The following NRF1 variants were observed in gnomAD, a reference collection of about 807,000 sequenced individuals.
NRF1 encodes the protein nuclear respiratory factor 1.
In NRF1, 5 loss-of-function variants were observed where a neutral mutation model predicts 58.5. The observed-to-expected ratio is 0.09, with a 90% CI of 0.04 to 0.18. The LOEUF is 0.18. Among genes scored for constraint, NRF1 ranks in the 10% least tolerant of loss-of-function variants. The pLI is 1.00. For missense variants in NRF1, 288 were observed against 657.7 expected, an observed-to-expected ratio of 0.44 and a Z score of 6.15; for synonymous variants, 224 against 246.7, an observed-to-expected ratio of 0.91 and a Z score of 0.86.
chr7:129,630,901 C>G (rs1801034444), intron 1 of NRF1, among the ~76,000 whole-genome samples: 1 of 152,056 alleles, frequency 6.6e-6, no homozygotes. Flanking sequence ...TTTATGTTAA[C>G]CTAAAAAAAT....
chr7:129,690,651 G>A, intron 5 of NRF1, 105 bp downstream of exon 5: 1 of 1,223,974 alleles, frequency 8.2e-7, no homozygotes, highest in Non-Finnish European at 1.2e-6. Context: ...TGACCAGGGA[G>A]TGAGATGCTG....
intron 1 of NRF1, among the ~76,000 whole-genome samples, chr7:129,618,514 G>T (rs927722395): frequency 5.3e-5 from 8 of 152,320 alleles, no homozygotes; most frequent in Middle Eastern, 3.4e-3. Flanking sequence ...GGGCAACGTT[G>T]TGAGACCCTG....
chr7:129,753,347 C>T (rs2116330331), intron 10 of NRF1, among the ~76,000 whole-genome samples: 1 of 152,274 alleles, frequency 6.6e-6, no homozygotes, highest in East Asian at 1.9e-4. Flanking sequence ...TTCAAACTTT[C>T]CACTCATTCT....
At chr7:129,747,950 G>C (rs1280772152) in intron 10 of NRF1, among the ~76,000 whole-genome samples, 1 of 152,144 alleles carries the variant, frequency 6.6e-6, no homozygotes, top group Non-Finnish European at 1.5e-5. Flanking sequence ...CAATTATTGA[G>C]CACCTACTGT....
At chr7:129,653,471 A>AGTTTACATTAGGGTTCCCTCAT (rs1801582769) in intron 1 of NRF1, among the ~76,000 whole-genome samples, 1 of 152,134 alleles carries the variant, frequency 6.6e-6, no homozygotes, top group Non-Finnish European at 1.5e-5. Flanking sequence ...CAAAGTCCAT[A>AGTTTACATTAGGGTTCCCTCAT]GTTTACATTA....
intron 10 of NRF1, among the ~76,000 whole-genome samples, chr7:129,734,871 T>C (rs1170675253): frequency 1.3e-5 from 2 of 152,224 alleles, no homozygotes; most frequent in African/African-American, 4.8e-5. Flanking sequence ...CCTAGAAGCC[T>C]CTGCTCAAGC....
At chr7:129,668,922 C>G (rs1801980898) in intron 2 of NRF1, among the ~76,000 whole-genome samples, 2 of 152,084 alleles carry the variant, frequency 1.3e-5, no homozygotes, top group African/African-American at 4.8e-5. Flanking sequence ...CTTGAGTTTC[C>G]TCTCCTTTCC....
At chr7:129,642,698 T>G (rs1290301521) in intron 1 of NRF1, among the ~76,000 whole-genome samples, 1 of 151,904 alleles carries the variant, frequency 6.6e-6, no homozygotes. Flanking sequence ...TTCCCCTATA[T>G]TTTCTCAGTT....
chr7:129,646,268 T>A (rs937133669), intron 1 of NRF1, among the ~76,000 whole-genome samples: 1 of 152,248 alleles, frequency 6.6e-6, no homozygotes, highest in Non-Finnish European at 1.5e-5. Flanking sequence ...ATTTTTTACA[T>A]CACTTCTTTA....
intron 1 of NRF1, among the ~76,000 whole-genome samples, chr7:129,643,858 A>G (rs6962005): frequency 0.19 from 29,136 of 152,164 alleles, 3,588 homozygotes; most frequent in African/African-American, 0.36. Context: ...ATGGCAGTGT[A>G]AAGAAAGAAT....
chr7:129,620,656 G>C (rs1040587375), intron 1 of NRF1, among the ~76,000 whole-genome samples: 1 of 152,176 alleles, frequency 6.6e-6, no homozygotes, highest in African/African-American at 2.4e-5. Context: ...AAAGTGCTGG[G>C]ATTACAGGCA....
chr7:129,711,745 A>G (rs1310392080), intron 8 of NRF1, among the ~76,000 whole-genome samples, 169 bp downstream of exon 8: 3 of 152,248 alleles, frequency 2.0e-5, no homozygotes, highest in Non-Finnish European at 4.4e-5. Flanking sequence ...TGCTATGTGT[A>G]TTAATTGTAA....
At chr7:129,614,443 T>TTGTGTGTGTGTGTGTGTGTGTG (rs56403369) in intron 1 of NRF1, among the ~76,000 whole-genome samples, 4,068 of 145,734 alleles carry the variant, frequency 0.028, 80 homozygotes, top group Non-Finnish European at 0.032. Context: ...AAATATGTAT[T>TTGTGTGTGTGTGTGTGTGTGTG]TGTGTGTGTG....
At chr7:129,689,963 A>G (rs1217359006) in intron 4 of NRF1, among the ~76,000 whole-genome samples, 1 of 152,208 alleles carries the variant, frequency 6.6e-6, no homozygotes, top group Non-Finnish European at 1.5e-5. Flanking sequence ...GCAGTTTTGA[A>G]TGAATTGGTT....
At chr7:129,721,433 ATTT>A (rs1277268173) in intron 9 of NRF1, among the ~76,000 whole-genome samples, 1 of 149,458 alleles carries the variant, frequency 6.7e-6, no homozygotes, top group African/African-American at 2.5e-5. Context: ...TGTTGTGAAG[ATTT>A]TGCTTTTAAA....
chr7:129,652,943 A>T (rs1323816763), intron 1 of NRF1, among the ~76,000 whole-genome samples: 2 of 152,232 alleles, frequency 1.3e-5, no homozygotes, highest in African/African-American at 4.8e-5. Flanking sequence ...GGGTAATTTT[A>T]AAAAGTTAGT....
At chr7:129,636,523 C>G (rs148836209) in intron 1 of NRF1, among the ~76,000 whole-genome samples, 2,428 of 152,328 alleles carry the variant, frequency 0.016, 59 homozygotes, top group African/African-American at 0.055. Flanking sequence ...GCTGGGATTA[C>G]AGGCGTCAGC....
At chr7:129,618,166 T>C (rs930862972) in intron 1 of NRF1, among the ~76,000 whole-genome samples, 3 of 151,884 alleles carry the variant, frequency 2.0e-5, no homozygotes, top group South Asian at 2.1e-4. Flanking sequence ...TGAGTGACAA[T>C]TGAGTAAAGA....
chr7:129,687,222 C>T (rs1328309426), intron 4 of NRF1, among the ~76,000 whole-genome samples: 2 of 150,398 alleles, frequency 1.3e-5, no homozygotes. Context: ...TTAAAAAGTG[C>T]TCTGTTATTG....
Sources: allele counts gnomAD v4.1 joint callset (sites outside exome capture counted in the v4.1 genomes callset), GRCh38; gene constraint gnomAD v4.1.1; transcripts MANE v1.5; gene names NCBI Gene and HGNC (gene_info 2026-07-23, HGNC 2026-07-21).